TASP1: variants seen among roughly 807,000 people sequenced by gnomAD.
TASP1 encodes the protein taspase 1.
In TASP1, 16 loss-of-function variants were observed where a neutral mutation model predicts 56.6. The ratio of observed to expected loss-of-function variants is 0.28; its 90% confidence interval spans 0.19 to 0.43. The LOEUF is 0.43. Among genes scored for constraint, TASP1 ranks in the 20% least tolerant of loss-of-function variants. The probability of loss-of-function intolerance (pLI) is 1.00; values close to 1 mark genes in which losing one functional copy is unlikely to be tolerated. For missense variants in TASP1, 393 were observed against 511.6 expected (o/e 0.77, Z 2.24); for synonymous variants, 179 against 184.2 (o/e 0.97, Z 0.23).
chr20:13,413,262 G>C lies in TASP1; in HGVS notation c.1170+4186C>G, dbSNP rs571183530. Among the ~76,000 whole-genome samples, 3 of 152,268 alleles carry C rather than the reference G, an allele frequency of 2.0e-5. No individual in the cohort carries two copies. The East Asian group carries it at 5.8e-4, about 29-fold the overall frequency. On this transcript the variant is annotated intron_variant, in intron 13 of 13. Coordinates refer to ENST00000337743, the MANE Select transcript of TASP1 (RefSeq NM_017714.3). ...AGTGCCCTGTGCTTTCCCTAGGTGAGGGAAATATGGTATGGGCAACATCTG... is the reference window on the plus strand; with the variant it reads ...AGTGCCCTGTGCTTTCCCTAGGTGACGGAAATATGGTATGGGCAACATCTG...
At chr20:13,144,905 G>T in the TASP1 span, among the ~76,000 whole-genome samples, 7 of 152,106 alleles carry the variant, frequency 4.6e-5, no homozygotes. Flanking sequence ...CTCCCAAGTA[G>T]CTGGGACTAC....
At chr20:13,199,164 A>G in the TASP1 span, among the ~76,000 whole-genome samples, 2 of 151,828 alleles carry the variant, frequency 1.3e-5, no homozygotes, top group African/African-American at 4.8e-5. Flanking sequence ...CGGTCTCCCA[A>G]AGTTCTGGGA....
At chr20:13,229,555 G>C in the TASP1 span, among the ~76,000 whole-genome samples, 1 of 152,142 alleles carries the variant, frequency 6.6e-6, no homozygotes, top group African/African-American at 2.4e-5. Flanking sequence ...ATCACAATTT[G>C]TATATCCCCA....
intron 1 of TASP1, 41 bp from the exon 2 acceptor site, chr20:13,630,193 C>T (rs1231822065): frequency 9.1e-7 from 1 of 1,101,284 alleles, no homozygotes; most frequent in African/African-American, 1.6e-5. Flanking sequence ...TTTCTTTCCA[C>T]CAACACATAA....
chr20:13,468,029 A>C lies in TASP1; in HGVS notation c.985+15198T>G, dbSNP rs1043075737. Among the ~76,000 whole-genome samples, 15 of 141,100 alleles carry C rather than the reference A, an allele frequency of 1.1e-4. 1 individual carries two copies. The highest frequency in any genetic ancestry group is 4.6e-4 in the African/African-American group (15 of 32,828). 92.6% of individuals were successfully genotyped at this position (141,100 alleles called of 152,430 possible). On this transcript the variant is annotated intron_variant, in intron 11 of 13. Transcript: ENST00000337743. ...AAAACTCCATCTCAAAAAAACAAAA[A>C]CAAAAACAAAAACAAAAACAAAAAA...
chr20:13,332,387 G>A, the TASP1 span, among the ~76,000 whole-genome samples: 3 of 152,114 alleles, frequency 2.0e-5, no homozygotes, highest in African/African-American at 7.2e-5. Flanking sequence ...GCTATTTAAT[G>A]TTGCTCTAAG....
intron 10 of TASP1, among the ~76,000 whole-genome samples, chr20:13,509,557 C>T (rs1322095379): frequency 6.6e-6 from 1 of 152,146 alleles, no homozygotes; most frequent in Non-Finnish European, 1.5e-5. Flanking sequence ...TTGTGGCAAT[C>T]ATCTCACGTT....
At chr20:13,119,306 T>C in the TASP1 span, among the ~76,000 whole-genome samples, 1 of 152,228 alleles carries the variant, frequency 6.6e-6, no homozygotes, top group East Asian at 1.9e-4. Flanking sequence ...TGTCACATTT[T>C]TCCCCCTAGA....
At chr20:13,130,439 T>A in the TASP1 span, among the ~76,000 whole-genome samples, 2 of 152,238 alleles carry the variant, frequency 1.3e-5, no homozygotes, top group Non-Finnish European at 2.9e-5. Context: ...TGTTCCTTGA[T>A]GAATGTCTTC....
the TASP1 span, chr20:13,117,726 G>A: frequency 6.2e-7 from 1 of 1,607,540 alleles, no homozygotes; most frequent in East Asian, 2.2e-5. Context: ...TGGAAGGAAG[G>A]TAAGAGAGGG....
chr20:13,433,769 G>A (rs1260830449), intron 12 of TASP1, among the ~76,000 whole-genome samples: 10 of 148,958 alleles, frequency 6.7e-5, no homozygotes, highest in Non-Finnish European at 1.2e-4. Context: ...CACCACTCAC[G>A]CTTTCTGTAA....
chr20:13,191,367 G>A, the TASP1 span, among the ~76,000 whole-genome samples: 2 of 152,002 alleles, frequency 1.3e-5, no homozygotes, highest in Admixed American at 6.6e-5. Context: ...GAATGGATGA[G>A]GAAAATGTAG....
intron 2 of TASP1, among the ~76,000 whole-genome samples, chr20:13,627,941 A>G (rs1324917389): frequency 6.6e-6 from 1 of 152,082 alleles, no homozygotes; most frequent in Non-Finnish European, 1.5e-5. Context: ...GGATGTAGCA[A>G]TCTATAACCA....
chr20:13,256,945 G>A, the TASP1 span, among the ~76,000 whole-genome samples: 1,527 of 152,320 alleles, frequency 0.01, 26 homozygotes, highest in African/African-American at 0.035. Context: ...CACTAGGGAA[G>A]ATAGGAGCTG....
the TASP1 span, among the ~76,000 whole-genome samples, chr20:13,193,310 T>G: frequency 3.3e-5 from 5 of 151,964 alleles, no homozygotes; most frequent in Non-Finnish European, 7.4e-5. Flanking sequence ...AAAGCAAAGA[T>G]TATCAGTGTG....
Position 13,602,710 on chromosome 20 carries a change from A to G in TASP1, c.283-15340T>C, listed in dbSNP as rs139671116. Among the ~76,000 whole-genome samples the G allele has an allele frequency of 6.4e-4, 97 of 152,194 alleles. 2 individuals are homozygous for G. Among genetic ancestry groups the G allele is most frequent in the African/African-American group, 2.3e-3 (94 of 41,530 alleles). ...AGATCCCTCACATGTGCAGTTCACA[A>G]TAGGGCTCCTGCTGCTATAAGAATC... On this transcript the variant is annotated intron_variant, in intron 4 of 13. Transcript: ENST00000337743.
At chr20:13,505,315 A>G (rs1413776388) in intron 10 of TASP1, among the ~76,000 whole-genome samples, 9 of 152,206 alleles carry the variant, frequency 5.9e-5, no homozygotes, top group Admixed American at 5.9e-4. Context: ...ATAATAGTAG[A>G]GAACTTCAAT....
chr20:13,496,178 T>C (rs1021096735), intron 10 of TASP1, among the ~76,000 whole-genome samples: 13 of 152,044 alleles, frequency 8.6e-5, no homozygotes, highest in African/African-American at 3.1e-4. Context: ...CTCAGCCTCC[T>C]GAGGAGCTGG....
chr20:13,356,721 C>T, the TASP1 span, among the ~76,000 whole-genome samples: 14 of 152,260 alleles, frequency 9.2e-5, no homozygotes, highest in African/African-American at 3.4e-4. Flanking sequence ...ATGAAATCCC[C>T]ACATTGAAAG....
Sources: allele counts gnomAD v4.1 joint callset (sites outside exome capture counted in the v4.1 genomes callset), GRCh38; gene constraint gnomAD v4.1.1; transcripts MANE v1.5; gene names NCBI Gene and HGNC (gene_info 2026-07-23, HGNC 2026-07-21).